MPP7: variants seen among roughly 807,000 people sequenced by gnomAD.
MPP7 encodes MAGUK p55 subfamily member 7.
MPP7 carries 60 observed loss-of-function variants against 76.5 expected under a neutral mutation model. The observed-to-expected ratio is 0.78, with a 90% CI of 0.64 to 0.97. The LOEUF is 0.97. MPP7 is among the 50% of genes least tolerant of loss of function. The probability of loss-of-function intolerance (pLI) is 0.00; values close to 1 mark genes in which losing one functional copy is unlikely to be tolerated. For synonymous variants in MPP7, 237 were observed against 244.5 expected, an observed-to-expected ratio of 0.97 and a Z score of 0.29; for missense variants, 641 against 694.0, an observed-to-expected ratio of 0.92 and a Z score of 0.86.
intron 6 of MPP7, among the ~76,000 whole-genome samples, chr10:28,130,308 A>G (rs1835151856): frequency 6.6e-6 from 1 of 152,138 alleles, no homozygotes; most frequent in African/African-American, 2.4e-5. Context: ...CTGATAAGGA[A>G]CCTGAGGCTG....
intron 1 of MPP7, among the ~76,000 whole-genome samples, chr10:28,296,842 C>T (rs1189163102): frequency 6.6e-6 from 1 of 152,174 alleles, no homozygotes; most frequent in African/African-American, 2.4e-5. Context: ...AGCAAATAAT[C>T]TTTCCACACA....
Position 28,174,243 on chromosome 10 carries a change from A to G in MPP7, c.157-24184T>C, listed in dbSNP as rs116318673. Reference sequence around the variant, plus strand: ...AATTACCCAGTGCTATGGTTTGGATATGGGGAGCCTTTTGGCCCCACTAAG... The same window carrying G: ...AATTACCCAGTGCTATGGTTTGGATGTGGGGAGCCTTTTGGCCCCACTAAG... On this transcript the variant is annotated intron_variant, in intron 3 of 16. Coordinates refer to ENST00000683449, the MANE Select transcript of MPP7 (RefSeq NM_001318170.2). Among the ~76,000 whole-genome samples the G allele has an allele frequency of 5.4e-3, 820 of 152,046 alleles. 8 individuals carry two copies. Among genetic ancestry groups the G allele is most frequent in the African/African-American group, 0.019 (769 of 41,434 alleles).
chr10:28,115,554 C>T (rs1834641131), intron 11 of MPP7, among the ~76,000 whole-genome samples: 1 of 152,062 alleles, frequency 6.6e-6, no homozygotes, highest in South Asian at 2.1e-4. Context: ...TGTATGAAAA[C>T]AACAAATAAA....
At chr10:28,333,736 C>T (rs1457050810) in intron 1 of MPP7, among the ~76,000 whole-genome samples, 1 of 152,212 alleles carries the variant, frequency 6.6e-6, no homozygotes, top group African/African-American at 2.4e-5. Context: ...CATGTAGCCA[C>T]ATTTCCCAGT....
intron 12 of MPP7, 75 bp from the exon 13 acceptor site, chr10:28,069,927 C>CT: frequency 9.6e-7 from 1 of 1,041,256 alleles, no homozygotes; most frequent in Non-Finnish European, 1.5e-6. Context: ...ACATGAGTCT[C>CT]TAAGACAGAC....
chr10:28,154,673 T>C (rs1173506073), intron 3 of MPP7, among the ~76,000 whole-genome samples: 3 of 148,716 alleles, frequency 2.0e-5, no homozygotes, highest in African/African-American at 7.5e-5. Context: ...TTCCTTTAGT[T>C]CCCAGAATAA....
chr10:28,144,763 C>T (rs931412821), intron 5 of MPP7, among the ~76,000 whole-genome samples: 10 of 152,242 alleles, frequency 6.6e-5, no homozygotes, highest in South Asian at 6.2e-4. Flanking sequence ...TTGGGTTTAG[C>T]GCCATTCCTA....
chr10:28,090,117 C>T lies in MPP7; in HGVS notation c.953-276G>A, dbSNP rs115527207. On this transcript the variant is annotated intron_variant, in intron 11 of 16. Coordinates refer to ENST00000683449, the MANE Select transcript of MPP7 (RefSeq NM_001318170.2). ...GTGGGATTACAGGCACACATCACCA[C>T]GGCTGGTTAATTTTTAAAATACTTT... Among the ~76,000 whole-genome samples the T allele has an allele frequency of 7.1e-3, 1,076 of 152,038 alleles. 14 individuals are homozygous for T. Among genetic ancestry groups the T allele is most frequent in the African/African-American group, 0.025 (1,019 of 41,476 alleles).
At chr10:28,291,139 T>C (rs2133127543) in intron 1 of MPP7, among the ~76,000 whole-genome samples, 2 of 152,332 alleles carry the variant, frequency 1.3e-5, no homozygotes, top group South Asian at 2.1e-4. Context: ...TATATAAATT[T>C]AGTGAACATC....
At chr10:28,280,471 T>G (rs1029171598) in intron 1 of MPP7, among the ~76,000 whole-genome samples, 3 of 152,078 alleles carry the variant, frequency 2.0e-5, no homozygotes, top group African/African-American at 7.3e-5. Context: ...AAAGAACCAT[T>G]CATTTTTTTG....
chr10:28,287,676 T>C (rs1408141239), intron 1 of MPP7, among the ~76,000 whole-genome samples: 2 of 152,234 alleles, frequency 1.3e-5, no homozygotes, highest in African/African-American at 2.4e-5. Flanking sequence ...ATACCAATTA[T>C]ATCTCAATAA....
chr10:28,317,542 G>T (rs1401870809), intron 2 of MPP7, among the ~76,000 whole-genome samples: 1 of 151,904 alleles, frequency 6.6e-6, no homozygotes, highest in Non-Finnish European at 1.5e-5. Context: ...AAAAATAAAG[G>T]GTAAAAAATT....
chr10:28,206,818 C>T (rs1233939250), intron 2 of MPP7, among the ~76,000 whole-genome samples: 1 of 152,178 alleles, frequency 6.6e-6, no homozygotes, highest in South Asian at 2.1e-4. Flanking sequence ...AACAGAACCA[C>T]TAAGCTACTC....
intron 6 of MPP7, 32 bp downstream of exon 6, chr10:28,131,528 G>T: frequency 1.3e-6 from 2 of 1,529,030 alleles, no homozygotes; most frequent in Non-Finnish European, 1.8e-6. Context: ...CCCTATCATG[G>T]TATCTACTCA....
intron 1 of MPP7, among the ~76,000 whole-genome samples, chr10:28,255,700 C>T (rs1248009473): frequency 6.6e-6 from 1 of 152,186 alleles, no homozygotes; most frequent in Non-Finnish European, 1.5e-5. Context: ...CCACTGTGCC[C>T]AGCCCATCTT....
intron 3 of MPP7, among the ~76,000 whole-genome samples, chr10:28,196,138 C>A (rs1342830388): frequency 6.6e-6 from 1 of 152,194 alleles, no homozygotes; most frequent in Non-Finnish European, 1.5e-5. Context: ...CACCCCTACT[C>A]CCAAATCTAT....
At chr10:28,241,237 T>C (rs936555857) in intron 1 of MPP7, among the ~76,000 whole-genome samples, 3 of 152,174 alleles carry the variant, frequency 2.0e-5, no homozygotes, top group African/African-American at 7.2e-5. Flanking sequence ...TGAGCTGATA[T>C]TGCTGCTGTT....
intron 3 of MPP7, among the ~76,000 whole-genome samples, chr10:28,177,001 A>G (rs928362709): frequency 4.0e-5 from 6 of 151,530 alleles, no homozygotes; most frequent in Non-Finnish European, 8.8e-5. Flanking sequence ...CATTGTGCAC[A>G]TGTACCCTAG....
intron 12 of MPP7, among the ~76,000 whole-genome samples, chr10:28,078,697 G>A (rs560136137): frequency 6.8e-6 from 1 of 147,144 alleles, no homozygotes; most frequent in East Asian, 1.9e-4. Context: ...TGTATTACGT[G>A]AAGGTCTTGG....
Sources: allele counts gnomAD v4.1 joint callset (sites outside exome capture counted in the v4.1 genomes callset), GRCh38; gene constraint gnomAD v4.1.1; transcripts MANE v1.5; gene names NCBI Gene and HGNC (gene_info 2026-07-23, HGNC 2026-07-21).